The following MBD5 variants were observed in gnomAD, a reference collection of about 807,000 sequenced individuals.
The protein encoded by MBD5 is methyl-CpG-binding domain protein 5.
Under a neutral mutation model 117.3 loss-of-function variants are expected in MBD5, and 13 were observed. That is an observed-to-expected ratio of 0.11 (90% CI 0.07 to 0.18). The LOEUF (loss-of-function observed/expected upper bound fraction) is 0.18. MBD5 is among the 10% of genes least tolerant of loss of function. The pLI is 1.00. For synonymous variants in MBD5, 727 were observed against 766.4 expected, an observed-to-expected ratio of 0.95 and a Z score of 0.85; for missense variants, 1,879 against 2,093.8, an observed-to-expected ratio of 0.90 and a Z score of 2.00.
chr2:148,201,378 C>T (rs1231134955), intron 2 of MBD5, among the ~76,000 whole-genome samples: 68 of 152,190 alleles, frequency 4.5e-4, no homozygotes, highest in Non-Finnish European at 1.3e-4. Context: ...GCAGGGGTAC[C>T]CACGACCCTG....
At position 148,489,722 on chromosome 2, in the gene MBD5, G is replaced by A. The variant is rs770117434; in HGVS notation, c.4090G>A (p.Gly1364Ser). 1 of 1,614,112 alleles carries A rather than the reference G, an allele frequency of 6.2e-7. No homozygotes were observed. Among genetic ancestry groups the A allele is most frequent in the Non-Finnish European group, 8.5e-7 (1 of 1,180,030 alleles). ...SAMSAFTASIGDPLNLSSAVS... is the reference protein window; with the variant it reads ...SAMSAFTASISDPLNLSSAVS... ...CATGAGTGCCTTCACTGCCTCAATT[G>A]GTGACCCATTAAATCTCTCCAGTGC... The change falls in exon 11 of 14, where the codon GGT becomes AGT. Residue 1364 changes from glycine to serine, a missense_variant. Transcript: ENST00000642680.
intron 2 of MBD5, among the ~76,000 whole-genome samples, chr2:148,222,288 G>A (rs967266573): frequency 1.3e-5 from 2 of 152,014 alleles, no homozygotes; most frequent in East Asian, 3.9e-4. Flanking sequence ...ATGTGTGTGT[G>A]TTTGAAGAAT....
At chr2:148,256,369 C>T (rs907473269) in intron 3 of MBD5, among the ~76,000 whole-genome samples, 1 of 152,220 alleles carries the variant, frequency 6.6e-6, no homozygotes, top group African/African-American at 2.4e-5. Context: ...TCATCATTGC[C>T]GGGGGTGGCC....
At chr2:148,053,661 T>C (rs1346690851) in intron 1 of MBD5, among the ~76,000 whole-genome samples, 1 of 152,116 alleles carries the variant, frequency 6.6e-6, no homozygotes, top group East Asian at 1.9e-4. Context: ...TCTGGCTTAT[T>C]TCACCCAGTA....
chr2:148,427,339 A>G (rs1705830259), intron 4 of MBD5, among the ~76,000 whole-genome samples: 1 of 152,254 alleles, frequency 6.6e-6, no homozygotes, highest in African/African-American at 2.4e-5. Flanking sequence ...GCTGCTATAA[A>G]GACACATGCA....
intron 3 of MBD5, among the ~76,000 whole-genome samples, chr2:148,341,810 G>A (rs1045637884): frequency 1.3e-5 from 2 of 150,060 alleles, no homozygotes; most frequent in Non-Finnish European, 3.0e-5. Context: ...AGTGCTTCCC[G>A]CAGTACCTGG....
At chr2:148,078,335 T>C (rs1695557965) in intron 1 of MBD5, among the ~76,000 whole-genome samples, 2 of 152,172 alleles carry the variant, frequency 1.3e-5, no homozygotes, top group African/African-American at 4.8e-5. Context: ...TCTGAGCTTA[T>C]ATACTAGATG....
intron 3 of MBD5, among the ~76,000 whole-genome samples, chr2:148,273,108 A>C (rs1701023109): frequency 6.6e-6 from 1 of 152,140 alleles, no homozygotes; most frequent in Non-Finnish European, 1.5e-5. Flanking sequence ...TTTCCTATTG[A>C]AATCACCTTT....
Position 148,265,934 on chromosome 2 carries a change from A to G in MBD5, c.-680+32539A>G, listed in dbSNP as rs575581368. On this transcript the variant is annotated intron_variant, in intron 3 of 13. Transcript: ENST00000642680. ...CAAAGAACAAGTTCAGGAAAGAGAAAAAAATGCTTAAATAAATTTGAAAAG... is the reference window on the plus strand; with the variant it reads ...CAAAGAACAAGTTCAGGAAAGAGAAGAAAATGCTTAAATAAATTTGAAAAG... Among the ~76,000 whole-genome samples the G allele has an allele frequency of 3.4e-4, 52 of 151,866 alleles. 1 individual carries two copies. The East Asian group carries it at 7.6e-3, about 22-fold the overall frequency.
At chr2:148,392,002 G>A (rs1213389208) in intron 4 of MBD5, among the ~76,000 whole-genome samples, 4 of 152,100 alleles carry the variant, frequency 2.6e-5, no homozygotes, top group African/African-American at 9.7e-5. Context: ...CTGCCTCCAA[G>A]TCTAGTATAG....
chr2:148,468,683 C>T lies in MBD5; in HGVS notation c.740C>T (p.Pro247Leu), dbSNP rs796052707. ...ISPRTDPLGS[P>L]DVFTRSNPGF... ...CCAAGGACTGACCCACTTGGAAGTCCTGATGTTTTCACAAGAAGTAATCCT... is the reference window on the plus strand; with the variant it reads ...CCAAGGACTGACCCACTTGGAAGTCTTGATGTTTTCACAAGAAGTAATCCT... The change falls in exon 8 of 14, where the codon CCT becomes CTT. Residue 247 changes from proline (P) to leucine (L), a missense_variant. Around this residue, in one of 4 missense-constraint regions of MBD5, gnomAD observed 1,666 missense variants for 1,792.2 expected, o/e 0.93. Coordinates refer to ENST00000642680, the MANE Select transcript of MBD5 (RefSeq NM_001378120.1). 1.2e-6 allele frequency: 2 copies of T among 1,613,746 alleles called. No individual in the cohort carries two copies.
intron 1 of MBD5, among the ~76,000 whole-genome samples, chr2:148,094,279 T>TTC (rs1474476200): frequency 3.9e-5 from 6 of 152,314 alleles, no homozygotes. Context: ...AAGTGTGGTG[T>TTC]ATTGGAGCTC....
At chr2:148,179,674 C>A (rs566908318) in intron 2 of MBD5, among the ~76,000 whole-genome samples, 4 of 152,264 alleles carry the variant, frequency 2.6e-5, no homozygotes, top group South Asian at 4.2e-4. Context: ...TGCTTACATA[C>A]TTAACATGAC....
chr2:148,144,205 G>A (rs1409800187), intron 1 of MBD5, among the ~76,000 whole-genome samples: 3 of 151,944 alleles, frequency 2.0e-5, no homozygotes, highest in African/African-American at 7.2e-5. Context: ...CAGTGATGAT[G>A]AGCATTTTTT....
chr2:148,205,428 C>CA (rs1476860259), intron 2 of MBD5, among the ~76,000 whole-genome samples: 2 of 150,746 alleles, frequency 1.3e-5, no homozygotes, highest in Admixed American at 6.6e-5. Context: ...TTAAAGCTGA[C>CA]AAAAAATAAA....
intron 4 of MBD5, chr2:148,393,360 A>G (rs1404816004): frequency 6.6e-6 from 1 of 152,196 alleles, no homozygotes; most frequent in Non-Finnish European, 1.5e-5. Context: ...CCAACAGTCA[A>G]AAGTCTGAAA....
intron 3 of MBD5, among the ~76,000 whole-genome samples, chr2:148,312,593 A>G (rs1157949361): frequency 6.6e-6 from 1 of 152,132 alleles, no homozygotes; most frequent in African/African-American, 2.4e-5. Context: ...ATTGGGTTAG[A>G]ACATGCTCCT....
At chr2:148,360,304 T>C (rs1703496232) in intron 4 of MBD5, among the ~76,000 whole-genome samples, 1 of 152,170 alleles carries the variant, frequency 6.6e-6, no homozygotes, top group Admixed American at 6.5e-5. Flanking sequence ...CTAAAGTGCA[T>C]ATATTTTTTG....
chr2:148,348,222 A>T lies in MBD5; in HGVS notation c.-557+5886A>T, dbSNP rs1228055555. Among the ~76,000 whole-genome samples the T allele has an allele frequency of 2.6e-5, 4 of 151,748 alleles. No homozygotes were observed. The East Asian group carries it at 7.7e-4, about 29-fold the overall frequency. On this transcript the variant is annotated intron_variant, in intron 4 of 13. Transcript: ENST00000642680. ...TTGTATCCAGTGGTTGTTCCTCCCC[A>T]TACCTTTTTGCACACAACTTTAGCC... is the stretch of plus-strand genomic sequence containing the variant.
Sources: gnomAD v4.1 joint callset for allele counts (sites outside exome capture counted in the v4.1 genomes callset) on GRCh38, gnomAD v4.1.1 for gene constraint, gnomAD v4.1.1 regional missense constraint, MANE v1.5 for transcripts, NCBI Gene and HGNC (gene_info 2026-07-23, HGNC 2026-07-21) for gene names.